Variants in AGPS observed in about 807,000 individuals in gnomAD.
The protein encoded by AGPS is alkylglycerone phosphate synthase, also known as alkyldihydroxyacetonephosphate synthase, peroxisomal.
Under a neutral mutation model 90.7 loss-of-function variants are expected in AGPS, and 26 were observed. That is an observed-to-expected ratio of 0.29 (90% confidence interval 0.21 to 0.40). AGPS has a LOEUF of 0.40. Ranked by LOEUF, AGPS falls within the 10% of genes least tolerant of loss-of-function variation. The pLI, the probability that AGPS is intolerant of heterozygous loss-of-function variation, is 1.00. For synonymous variants in AGPS, 294 were observed against 285.3 expected (o/e 1.03, Z -0.31); for missense variants, 540 against 816.1 (o/e 0.66, Z 4.12).
intron 8 of AGPS, among the ~76,000 whole-genome samples, chr2:177,458,795 T>C (rs1330611835): frequency 6.6e-6 from 1 of 152,120 alleles, no homozygotes; most frequent in Non-Finnish European, 1.5e-5. Flanking sequence ...AGCTACCACT[T>C]ACTTTCTTCA....
At chr2:177,527,827 G>A (rs16865331) in intron 19 of AGPS, among the ~76,000 whole-genome samples, 17,091 of 152,028 alleles carry the variant, frequency 0.11, 1,255 homozygotes, top group East Asian at 0.36. Flanking sequence ...TTTATTTAGA[G>A]GTTTTGCCTC....
Position 177,420,347 on chromosome 2 carries a change from G to T in AGPS, c.339G>T (p.Leu113Phe). Residue 113 changes from leucine to phenylalanine, a missense_variant, in exon 2 of 20, where the codon TTG becomes TTT. Around this residue, in one of 2 missense-constraint regions of AGPS, gnomAD observed 405 missense variants for 692.1 expected, o/e 0.59. Transcript: ENST00000264167. Reference protein sequence around the residue: ...FIFNKKGQIELTGKRYPLSGM... With the variant: ...FIFNKKGQIEFTGKRYPLSGM... ...TCAATAAGAAGGGCCAAATTGAATT[G>T]ACTGGGAAAAGGTAACCCTGGTTTA... is the stretch of plus-strand genomic sequence containing the variant. The T allele has an allele frequency of 6.2e-7, 1 of 1,606,056 alleles. No homozygotes were observed. Among genetic ancestry groups the T allele is most frequent in the South Asian group, 1.1e-5 (1 of 90,866 alleles).
chr2:177,508,502 C>G (rs186353196), intron 16 of AGPS, among the ~76,000 whole-genome samples: 38 of 152,156 alleles, frequency 2.5e-4, no homozygotes, highest in African/African-American at 3.4e-4. Context: ...AAATTATGTA[C>G]AATTTCTGTT....
chr2:177,512,667 AAC>A (rs1285401810), intron 16 of AGPS, among the ~76,000 whole-genome samples: 1 of 152,190 alleles, frequency 6.6e-6, no homozygotes, highest in African/African-American at 2.4e-5. Context: ...CAAGGTTTAA[AAC>A]ACAGAATCGG....
intron 19 of AGPS, 136 bp downstream of exon 19, chr2:177,523,941 A>G: frequency 1.3e-6 from 1 of 777,906 alleles, no homozygotes; most frequent in Non-Finnish European, 2.2e-6. Context: ...TGTCTTTGAA[A>G]TAGCTGTTAC....
intron 5 of AGPS, among the ~76,000 whole-genome samples, chr2:177,438,998 A>ACACG (rs1178297498): frequency 3.3e-5 from 5 of 152,030 alleles, no homozygotes; most frequent in Admixed American, 6.6e-5. Flanking sequence ...ACACACACAC[A>ACACG]CACACAACTG....
intron 2 of AGPS, among the ~76,000 whole-genome samples, chr2:177,427,822 G>C (rs761850781): frequency 5.9e-5 from 9 of 152,120 alleles, no homozygotes; most frequent in Non-Finnish European, 1.2e-4. Flanking sequence ...TGGGTGGAGG[G>C]TTCTGTAGAT....
chr2:177,444,225 A>G (rs1686699745), intron 7 of AGPS, among the ~76,000 whole-genome samples: 1 of 152,050 alleles, frequency 6.6e-6, no homozygotes. Context: ...GTTCTAGACC[A>G]GCCTGGCCAA....
chr2:177,497,801 C>T (rs1471045325), intron 13 of AGPS, 36 bp downstream of exon 13: 2 of 1,146,862 alleles, frequency 1.7e-6, no homozygotes, highest in South Asian at 1.3e-5. Flanking sequence ...ATTGTAAATG[C>T]TTAAGATATC....
rs561988104 is a variant in AGPS at position 177,479,978 on chromosome 2, C to T, written c.1106-2081C>T. On this transcript the variant is annotated intron_variant, in intron 10 of 19. Coordinates refer to ENST00000264167, the MANE Select transcript of AGPS (RefSeq NM_003659.4). ...GGTAGATCACCTGAGGTCGGGAGTTCGAGACCAGCCTGACCAACATGGAGA... is the reference window on the plus strand; with the variant it reads ...GGTAGATCACCTGAGGTCGGGAGTTTGAGACCAGCCTGACCAACATGGAGA... Among the ~76,000 whole-genome samples the T allele has an allele frequency of 3.9e-5, 6 of 152,184 alleles. No homozygotes were observed. The East Asian group carries it at 5.8e-4, about 15-fold the overall frequency.
intron 19 of AGPS, among the ~76,000 whole-genome samples, chr2:177,524,061 C>G (rs1261700450): frequency 6.6e-6 from 1 of 152,136 alleles, no homozygotes; most frequent in Non-Finnish European, 1.5e-5. Context: ...CTCATGTTAT[C>G]AGAGAATAGC....
At chr2:177,449,843 A>G (rs539112461) in intron 8 of AGPS, among the ~76,000 whole-genome samples, 244 of 144,868 alleles carry the variant, frequency 1.7e-3, no homozygotes, top group Non-Finnish European at 1.7e-3. Flanking sequence ...TATTTGCCCA[A>G]TTTTTTTTTT....
rs745413439 is a variant in AGPS at position 177,461,976 on chromosome 2, A to T, written c.954A>T (p.Ala318=). Residue 318 remains alanine (A), a synonymous_variant, in exon 9 of 20, where the codon GCA becomes GCT. Coordinates refer to ENST00000264167, the MANE Select transcript of AGPS (RefSeq NM_003659.4). ...STVGGWVSTR[A]SGMKKNIYGN... ...TAGGAGGATGGGTATCTACTCGCGC[A>T]TCAGGCATGAAGAAGAATATCTATG... The T allele has an allele frequency of 5.6e-6, 9 of 1,612,546 alleles. No individual in the cohort carries two copies. In the Admixed American group the frequency reaches 6.7e-5, roughly 12 times the overall value.
At chr2:177,537,701 T>C (rs1402442862) in intron 19 of AGPS, among the ~76,000 whole-genome samples, 4 of 152,154 alleles carry the variant, frequency 2.6e-5, no homozygotes, top group African/African-American at 7.2e-5. Context: ...TGTTTTTCTT[T>C]AGTTAACTTC....
chr2:177,488,410 G>T (rs1406204535), intron 11 of AGPS, among the ~76,000 whole-genome samples: 1 of 151,930 alleles, frequency 6.6e-6, no homozygotes, highest in African/African-American at 2.4e-5. Flanking sequence ...TAGAGACAGG[G>T]TTTCACCGTG....
intron 11 of AGPS, among the ~76,000 whole-genome samples, chr2:177,487,191 T>G (rs771475581): frequency 2.0e-5 from 3 of 151,840 alleles, no homozygotes; most frequent in East Asian, 1.9e-4. Flanking sequence ...GAAGCTTGGG[T>G]TTTTTTTGTT....
At chr2:177,410,517 A>G (rs1335816424) in intron 1 of AGPS, among the ~76,000 whole-genome samples, 1 of 152,128 alleles carries the variant, frequency 6.6e-6, no homozygotes, top group Non-Finnish European at 1.5e-5. Flanking sequence ...TCCTTTTGCT[A>G]GAATGTCTCT....
At chr2:177,442,517 ATTTTCT>A (rs1423998260) in intron 7 of AGPS, 31 bp downstream of exon 7, 1 of 1,487,912 alleles carries the variant, frequency 6.7e-7, no homozygotes, top group Admixed American at 1.7e-5. Flanking sequence ...TATTTAAAAC[ATTTTCT>A]TTATTGGCTC....
intron 19 of AGPS, among the ~76,000 whole-genome samples, chr2:177,524,319 T>C (rs1221761881): frequency 1.3e-5 from 2 of 152,210 alleles, no homozygotes. Flanking sequence ...TTTTGGTAAG[T>C]ATCGAGTGTT....
Sources: gnomAD v4.1 joint callset for allele counts (sites outside exome capture counted in the v4.1 genomes callset) on GRCh38, gnomAD v4.1.1 for gene constraint, gnomAD v4.1.1 regional missense constraint, MANE v1.5 for transcripts, NCBI Gene and HGNC (gene_info 2026-07-23, HGNC 2026-07-21) for gene names.